Variants in FSHR observed in about 807,000 individuals in gnomAD.
FSHR encodes the protein follicle stimulating hormone receptor.
A neutral mutation model predicts 52.1 loss-of-function variants in FSHR; 46 were observed. The ratio of observed to expected loss-of-function variants is 0.88; its 90% CI spans 0.70 to 1.13. The LOEUF is 1.13. Among genes scored for constraint, FSHR ranks in the 50% most tolerant of loss-of-function variants. The pLI, the probability that FSHR is intolerant of heterozygous loss-of-function variation, is 0.00. For missense variants in FSHR, 964 were observed against 834.6 expected, an observed-to-expected ratio of 1.16 and a Z score of -1.91; for synonymous variants, 399 against 309.6, an observed-to-expected ratio of 1.29 and a Z score of -3.03.
At chr2:49,139,658 C>T (rs527570258) in intron 1 of FSHR, among the ~76,000 whole-genome samples, 20 of 149,182 alleles carry the variant, frequency 1.3e-4, no homozygotes, top group African/African-American at 4.7e-4. Context: ...AGTGCAGTGG[C>T]ATGATCACGG....
chr2:49,018,100 A>G (rs1667554789), intron 3 of FSHR, among the ~76,000 whole-genome samples: 1 of 152,214 alleles, frequency 6.6e-6, no homozygotes, highest in Non-Finnish European at 1.5e-5. Context: ...TGGCAAAGAA[A>G]AAGAAAGTTG....
chr2:48,973,397 T>C (rs962690684), intron 8 of FSHR, among the ~76,000 whole-genome samples: 1 of 152,192 alleles, frequency 6.6e-6, no homozygotes, highest in Non-Finnish European at 1.5e-5. Context: ...TGAGCTGACA[T>C]TGCATGGATC....
rs184820718 is a variant in FSHR at position 49,017,953 on chromosome 2, G to C, written c.300-390C>G. ...ATGAGACTAATATGGCGAAATGAGT[G>C]TTTGTCTGGTCGGGAGGCAAGAGAA... On this transcript the variant is annotated intron_variant, in intron 3 of 9. Transcript: ENST00000406846. Among the ~76,000 whole-genome samples, 47 of 152,108 alleles carry C rather than the reference G, an allele frequency of 3.1e-4. 1 individual carries two copies. The East Asian group carries it at 7.7e-3, about 25-fold the overall frequency.
chr2:48,991,872 C>T (rs1272811571), intron 4 of FSHR, among the ~76,000 whole-genome samples: 1 of 152,158 alleles, frequency 6.6e-6, no homozygotes, highest in Non-Finnish European at 1.5e-5. Flanking sequence ...ACCTAAAGAA[C>T]ACTCATTGAT....
At chr2:49,044,465 G>T (rs543148125) in intron 2 of FSHR, among the ~76,000 whole-genome samples, 1 of 152,284 alleles carries the variant, frequency 6.6e-6, no homozygotes, top group Non-Finnish European at 1.5e-5. Context: ...ATGGCTTGTG[G>T]AGGAAGGGCA....
intron 1 of FSHR, among the ~76,000 whole-genome samples, chr2:49,130,206 A>G (rs1572785764): frequency 6.6e-6 from 1 of 152,340 alleles, no homozygotes; most frequent in East Asian, 1.9e-4. Flanking sequence ...GGAGGAATAA[A>G]TAAGGTAGTA....
chr2:49,004,625 G>T (rs1477914044), intron 4 of FSHR, among the ~76,000 whole-genome samples: 1 of 152,088 alleles, frequency 6.6e-6, no homozygotes, highest in African/African-American at 2.4e-5. Flanking sequence ...AGCATATTTT[G>T]TTATTTTCAG....
chr2:49,151,216 G>C (rs1446439540), intron 1 of FSHR, among the ~76,000 whole-genome samples: 1 of 150,406 alleles, frequency 6.6e-6, no homozygotes, highest in Non-Finnish European at 1.5e-5. Flanking sequence ...ATGCAGAGGA[G>C]ATATAAAAGA....
intron 1 of FSHR, among the ~76,000 whole-genome samples, chr2:49,078,802 T>C (rs1428420759): frequency 3.9e-5 from 6 of 152,104 alleles, no homozygotes; most frequent in Admixed American, 3.9e-4. Context: ...CCGCTTAAAA[T>C]TGGAATGAGA....
At chr2:49,065,937 T>C (rs1669487765) in intron 2 of FSHR, among the ~76,000 whole-genome samples, 1 of 152,128 alleles carries the variant, frequency 6.6e-6, no homozygotes, top group Non-Finnish European at 1.5e-5. Flanking sequence ...ACATTAATGG[T>C]TAATGAAATT....
At chr2:48,993,923 C>T (rs1200601786) in intron 4 of FSHR, among the ~76,000 whole-genome samples, 1 of 152,104 alleles carries the variant, frequency 6.6e-6, no homozygotes, top group East Asian at 1.9e-4. Flanking sequence ...AATTCTGGCC[C>T]CTGATTTATT....
At chr2:49,030,681 G>A (rs1668071472) in intron 2 of FSHR, among the ~76,000 whole-genome samples, 1 of 152,116 alleles carries the variant, frequency 6.6e-6, no homozygotes, top group Non-Finnish European at 1.5e-5. Context: ...TGCCCTGCAT[G>A]CAAAGCTGTT....
At chr2:49,066,638 G>A (rs1439696559) in intron 2 of FSHR, among the ~76,000 whole-genome samples, 1 of 152,114 alleles carries the variant, frequency 6.6e-6, no homozygotes, top group East Asian at 1.9e-4. Flanking sequence ...GTCTGAACAA[G>A]TTGAGTTACT....
intron 1 of FSHR, among the ~76,000 whole-genome samples, chr2:49,105,522 G>C (rs751973984): frequency 1.3e-5 from 2 of 152,118 alleles, no homozygotes; most frequent in African/African-American, 2.4e-5. Flanking sequence ...AGAGTCGTGA[G>C]GCTGGGCAAA....
intron 2 of FSHR, among the ~76,000 whole-genome samples, chr2:49,025,297 T>C (rs773569318): frequency 2.6e-5 from 4 of 152,182 alleles, no homozygotes; most frequent in Non-Finnish European, 2.9e-5. Flanking sequence ...TAAAGATGAA[T>C]AAAATGGATC....
rs1667107313 is a variant in FSHR at position 49,007,304 on chromosome 2, A to G, written c.374+10185T>C. 2.0e-5 allele frequency among the ~76,000 whole-genome samples: 3 copies of G among 152,166 alleles called. No individual in the cohort carries two copies. The South Asian group carries it at 6.2e-4, about 31-fold the overall frequency. ...CCAAGTACTATAGACAAGTCAGCTT[A>G]CATCTCCTGTAAAATGGCTGTGTGT... is the stretch of plus-strand genomic sequence containing the variant. On this transcript the variant is annotated intron_variant, in intron 4 of 9. Coordinates refer to ENST00000406846, the MANE Select transcript of FSHR (RefSeq NM_000145.4).
intron 2 of FSHR, among the ~76,000 whole-genome samples, chr2:49,049,816 C>A (rs1668787404): frequency 7.8e-6 from 1 of 128,144 alleles, no homozygotes; most frequent in Non-Finnish European, 1.6e-5. Context: ...TCATATAGCC[C>A]CTACTCTAAT....
At chr2:49,014,855 T>C (rs1667423000) in intron 4 of FSHR, 1 of 461,542 alleles carries the variant, frequency 2.2e-6, no homozygotes, top group Admixed American at 2.5e-5. Context: ...GGGATGCCTC[T>C]TCATGTCCTA....
intron 4 of FSHR, among the ~76,000 whole-genome samples, chr2:49,015,345 T>C (rs554192383): frequency 1.3e-5 from 2 of 152,208 alleles, no homozygotes; most frequent in Non-Finnish European, 2.9e-5. Context: ...AGCATAATTA[T>C]TCAACAACTT....
Sources: allele counts gnomAD v4.1 joint callset (sites outside exome capture counted in the v4.1 genomes callset), GRCh38; gene constraint gnomAD v4.1.1; transcripts MANE v1.5; gene names NCBI Gene and HGNC (gene_info 2026-07-23, HGNC 2026-07-21).